Variants in EPB41L1 observed in about 807,000 individuals in gnomAD.
EPB41L1 encodes the protein erythrocyte membrane protein band 4.1 like 1.
A neutral mutation model predicts 97.8 loss-of-function variants in EPB41L1; 29 were observed. The observed-to-expected ratio is 0.30, with a 90% CI of 0.22 to 0.40. The LOEUF (loss-of-function observed/expected upper bound fraction) is 0.40, where lower values mean the gene tolerates loss of function less well. Among genes scored for constraint, EPB41L1 ranks in the 10% least tolerant of loss-of-function variants. The pLI is 1.00. For synonymous variants in EPB41L1, 383 were observed against 459.2 expected (o/e 0.83, Z 2.12); for missense variants, 812 against 1,162.3 (o/e 0.70, Z 4.38).
chr20:36,122,971 C>T (rs919888433), intron 2 of EPB41L1, among the ~76,000 whole-genome samples: 3 of 152,002 alleles, frequency 2.0e-5, no homozygotes, highest in African/African-American at 4.8e-5. Flanking sequence ...CTGGAGATGT[C>T]GATAGGATCA....
chr20:36,158,932 G>T (rs1174770120), intron 1 of EPB41L1, among the ~76,000 whole-genome samples: 1 of 152,248 alleles, frequency 6.6e-6, no homozygotes, highest in East Asian at 1.9e-4. Context: ...CTGCTGAGGA[G>T]CATGACAGAA....
chr20:36,198,071 G>A, intron 14 of EPB41L1, 30 bp downstream of exon 14: 1 of 1,603,370 alleles, frequency 6.2e-7, no homozygotes, highest in Non-Finnish European at 8.5e-7. Flanking sequence ...CCTCGATAGG[G>A]GCCTTGGGTA....
intron 2 of EPB41L1, among the ~76,000 whole-genome samples, chr20:36,114,903 C>T (rs951737426): frequency 3.9e-5 from 6 of 152,020 alleles, no homozygotes; most frequent in East Asian, 3.9e-4. Flanking sequence ...GCACCAGACA[C>T]CGGGGGAGTA....
In EPB41L1 at chr20:36,092,689, G is replaced by A. The variant is rs1240710701; in HGVS notation, c.-65+1077G>A. On this transcript the variant is annotated intron_variant, in intron 1 of 19. Coordinates refer to the EPB41L1 transcript ENST00000202028. The surrounding 1 kb of genome is among the most constrained non-coding windows in gnomAD (Gnocchi z 7.0). ...GAGCGCCGTGGGAGGGAGAGCAGGA[G>A]CGAGCGCGCGAGAGAGCGGGGCATT... 1.3e-5 allele frequency: 2 copies of A among 151,912 alleles called. No homozygotes were observed. Among genetic ancestry groups the A allele is most frequent in the Non-Finnish European group, 2.9e-5 (2 of 67,980 alleles). The allele number at this position is 151,912 out of a possible 1,614,324, so 9.4% of individuals were successfully genotyped here.
intron 2 of EPB41L1, among the ~76,000 whole-genome samples, chr20:36,115,664 G>T (rs923925927): frequency 1.3e-5 from 2 of 152,166 alleles, no homozygotes; most frequent in East Asian, 1.9e-4. Flanking sequence ...GGCCGAGGCA[G>T]GTGGATCAAT....
At chr20:36,219,608 A>C in intron 18 of EPB41L1, 153 bp from the exon 19 acceptor site, 1 of 687,314 alleles carries the variant, frequency 1.5e-6, no homozygotes, top group East Asian at 2.6e-5. Context: ...TAGTTTTCTG[A>C]AGATTCTAGT....
Position 36,229,364 on chromosome 20 carries a change from T to G in EPB41L1, c.*24T>G. 6.2e-7 allele frequency: 1 copy of G among 1,611,660 alleles called. No individual in the cohort carries two copies. Among genetic ancestry groups the G allele is most frequent in the Non-Finnish European group, 8.5e-7 (1 of 1,178,758 alleles). On this transcript the variant is annotated 3_prime_UTR_variant, in exon 22 of 22. Transcript: ENST00000338074. ...GACCTCTGTGAAGAGATCCTGGCATTTCTGGTCCAACCCAAGCCAGAGAAC... is the reference window on the plus strand; with the variant it reads ...GACCTCTGTGAAGAGATCCTGGCATGTCTGGTCCAACCCAAGCCAGAGAAC...
intron 1 of EPB41L1, among the ~76,000 whole-genome samples, chr20:36,095,079 C>T (rs2057786112): frequency 6.6e-6 from 1 of 152,046 alleles, no homozygotes; most frequent in Non-Finnish European, 1.5e-5. Context: ...TCAAGCAATT[C>T]TTCTTCCTCA....
rs1025367391 is a variant in EPB41L1, at chr20:36,093,831, A to G, written c.-65+2219A>G. ...TCATTTCCTGTTGTGGCCAGGGGAC[A>G]TGTCCCCTCCGGCCTCCCCCCAGCC... On this transcript the variant is annotated intron_variant, in intron 1 of 19. Coordinates refer to the EPB41L1 transcript ENST00000202028. The surrounding 1 kb of genome is among the most constrained non-coding windows in gnomAD (Gnocchi z 5.4). Among the ~76,000 whole-genome samples, 2 of 150,018 alleles carry G rather than the reference A, an allele frequency of 1.3e-5. No homozygotes were observed. Among genetic ancestry groups the G allele is most frequent in the Admixed American group, 6.6e-5 (1 of 15,108 alleles).
rs758024292 is a variant in EPB41L1 at position 36,206,120 on chromosome 20, G to T, written c.1669-3368G>T. 3 of 1,289,786 alleles carry T rather than the reference G, an allele frequency of 2.3e-6. No individual in the cohort carries two copies. The highest frequency in any genetic ancestry group is 3.0e-6 in the Non-Finnish European group (3 of 988,900). The allele number at this position is 1,289,786 out of a possible 1,614,324, so 79.9% of individuals were successfully genotyped here. A position where few individuals can be genotyped will look rare whatever the true frequency, so the allele number is the denominator to read the frequency against. On this transcript the variant is annotated intron_variant, in intron 14 of 21. Coordinates refer to ENST00000338074, the MANE Select transcript of EPB41L1 (RefSeq NM_012156.2). This position sits in a 1 kb window ranked among gnomAD's most constrained non-coding sequence, Gnocchi z 5.5. ...GACTTTGAGTCAGTGGGGGAGGAAG[G>T]CCCCTGGATCAGGGAAAGCCCAGGA...
At chr20:36,120,872 G>A (rs941339560) in intron 2 of EPB41L1, among the ~76,000 whole-genome samples, 1 of 151,998 alleles carries the variant, frequency 6.6e-6, no homozygotes, top group Admixed American at 6.6e-5. Flanking sequence ...CCAAGGTAAT[G>A]GTTTTAGGAG....
intron 14 of EPB41L1, chr20:36,200,732 G>C: frequency 2.7e-6 from 1 of 373,932 alleles, no homozygotes; most frequent in Non-Finnish European, 5.3e-6. Flanking sequence ...ACAGATATGG[G>C]ACTTAAAAAG....
intron 21 of EPB41L1, among the ~76,000 whole-genome samples, chr20:36,224,193 G>C (rs1452634083): frequency 1.3e-5 from 2 of 152,170 alleles, no homozygotes; most frequent in Non-Finnish European, 2.9e-5. Context: ...TTGAGGACTT[G>C]AAATTGGCTA....
intron 2 of EPB41L1, among the ~76,000 whole-genome samples, chr20:36,138,236 G>A (rs2059492975): frequency 6.6e-6 from 1 of 151,382 alleles, no homozygotes; most frequent in South Asian, 2.1e-4. Context: ...CCTCAGAAGT[G>A]GAATTGCTGG....
At chr20:36,096,841 G>A (rs553576179) in intron 1 of EPB41L1, among the ~76,000 whole-genome samples, 2 of 152,346 alleles carry the variant, frequency 1.3e-5, no homozygotes, top group East Asian at 3.9e-4. Flanking sequence ...GTCAAACTGA[G>A]TTAATTTATA....
At chr20:36,141,342 A>C in intron 2 of EPB41L1, among the ~76,000 whole-genome samples, 1 of 150,190 alleles carries the variant, frequency 6.7e-6, no homozygotes, top group South Asian at 2.1e-4. Context: ...CATCTTTATT[A>C]TTTTTTTTTT....
At chr20:36,184,345 T>C (rs896568054) in intron 6 of EPB41L1, among the ~76,000 whole-genome samples, 1 of 152,104 alleles carries the variant, frequency 6.6e-6, no homozygotes, top group Non-Finnish European at 1.5e-5. Flanking sequence ...TTTTAATACA[T>C]AGTAACCAAA....
At chr20:36,194,086 C>T (rs776708264) in intron 11 of EPB41L1, 126 bp from the exon 12 acceptor site, 106 of 1,268,470 alleles carry the variant, frequency 8.4e-5, no homozygotes, top group Non-Finnish European at 2.8e-5. Flanking sequence ...CCCCTCTGGG[C>T]AATGGGTGAG....
At chr20:36,124,108 A>G (rs1052895486) in intron 2 of EPB41L1, among the ~76,000 whole-genome samples, 1 of 152,042 alleles carries the variant, frequency 6.6e-6, no homozygotes, top group African/African-American at 2.4e-5. Context: ...AAAAGAAATT[A>G]GCCGGGTGTG....
Sources: allele counts gnomAD v4.1 joint callset (sites outside exome capture counted in the v4.1 genomes callset), GRCh38; gene constraint gnomAD v4.1.1; non-coding constraint Gnocchi (gnomAD v3.1); transcripts MANE v1.5; gene names NCBI Gene and HGNC (gene_info 2026-07-23, HGNC 2026-07-21).